Variants in CX3CR1 observed in about 807,000 individuals in gnomAD.
CX3CR1 encodes the protein CX3C chemokine receptor 1.
For synonymous variants in CX3CR1, 168 were observed against 178.5 expected, an observed-to-expected ratio of 0.94 and a Z score of 0.47; for missense variants, 363 against 432.4, an observed-to-expected ratio of 0.84 and a Z score of 1.42.
the CX3CR1 span, among the ~76,000 whole-genome samples, chr3:39,291,639 A>C: frequency 3.1e-4 from 47 of 152,338 alleles, no homozygotes; most frequent in African/African-American, 1.1e-3. Flanking sequence ...AGGAACAATG[A>C]AAAGGACAGT....
chr3:39,280,046 C>T (rs886353130), upstream of CX3CR1: 32 of 985,230 alleles, frequency 3.2e-5, no homozygotes, highest in African/African-American at 5.2e-4. Context: ...CCCTTTCCTT[C>T]CCTCTAAGAG....
chr3:39,267,923 C>T (rs774774120), intron 1 of CX3CR1, among the ~76,000 whole-genome samples: 56 of 152,264 alleles, frequency 3.7e-4, no homozygotes, highest in Non-Finnish European at 6.9e-4. Context: ...CCCTTTCACA[C>T]GGCTCCTCTG....
chr3:39,290,355 A>G, the CX3CR1 span, among the ~76,000 whole-genome samples: 1 of 152,164 alleles, frequency 6.6e-6, no homozygotes, highest in Non-Finnish European at 1.5e-5. Context: ...GGGGATGTTT[A>G]GTTTTGTGGT....
intron 1 of CX3CR1, among the ~76,000 whole-genome samples, chr3:39,267,350 G>A (rs1284640664): frequency 6.6e-6 from 1 of 152,180 alleles, no homozygotes; most frequent in African/African-American, 2.4e-5. Context: ...AGCTAGGCCT[G>A]GAGAGAGAAG....
rs374664955 is a variant in CX3CR1 at position 39,265,860 on chromosome 3, G to A, written c.650C>T (p.Thr217Met). ...MSYCYFRIIQ[T>M]LFSCKNHKKA... is the part of the protein sequence containing the mutation. ...CTTGTGGTTCTTGCAGGAAAACAGC[G>A]TCTGGATGATTCTGAAGTAGCAATA... Residue 217 changes from threonine to methionine, a missense_variant, in exon 2 of 2, where the codon ACG becomes ATG. Physicochemically the swap from Thr to Met is moderately conservative, Grantham distance 81. Transcript: ENST00000399220. 3.3e-5 allele frequency: 54 copies of A among 1,614,094 alleles called. No individual in the cohort carries two copies. The highest frequency in any genetic ancestry group is 3.3e-4 in the South Asian group (30 of 91,088).
At chr3:39,283,791 A>T (rs2040924267), upstream of CX3CR1, among the ~76,000 whole-genome samples, 1 of 83,782 alleles carries the variant, frequency 1.2e-5, no homozygotes, top group East Asian at 4.1e-4. Flanking sequence ...AAAAAAAAAA[A>T]AAATTATATA....
the CX3CR1 span, chr3:39,286,869 A>C: frequency 6.6e-6 from 1 of 152,230 alleles, no homozygotes; most frequent in African/African-American, 2.4e-5. Flanking sequence ...TCAAAAGTAC[A>C]AGATGCAAAC....
the CX3CR1 span, among the ~76,000 whole-genome samples, chr3:39,289,155 A>G: frequency 1.3e-5 from 2 of 152,144 alleles, no homozygotes; most frequent in East Asian, 3.8e-4. Flanking sequence ...TCCATCTAAA[A>G]AAAAAAAAAA....
chr3:39,281,105 C>T, upstream of CX3CR1: 1 of 994,272 alleles, frequency 1.0e-6, no homozygotes, highest in East Asian at 1.1e-4. Flanking sequence ...CTTGCCCCTC[C>T]TCACCTCCCC....
chr3:39,278,282 T>A (rs55946639), intron 1 of CX3CR1, among the ~76,000 whole-genome samples: 1 of 152,276 alleles, frequency 6.6e-6, no homozygotes, highest in Non-Finnish European at 1.5e-5. Flanking sequence ...CACACTGAAG[T>A]TGGGCTGAGA....
chr3:39,263,512 T>C lies in CX3CR1; in HGVS notation c.*1930A>G, dbSNP rs1049997730. 1 of 152,252 alleles carries C rather than the reference T, an allele frequency of 6.6e-6. No individual in the cohort carries two copies. Among genetic ancestry groups the C allele is most frequent in the Admixed American group, 6.5e-5 (1 of 15,290 alleles). 9.4% of individuals were successfully genotyped at this position (152,252 alleles called of 1,614,324 possible). ...ACACAGATGGAAGTTCTATAAAATA[T>C]GTATTTGCTAAACATTGGAAACAAG... On this transcript the variant is annotated 3_prime_UTR_variant, in exon 2 of 2. Transcript: ENST00000399220.
At position 39,266,038 on chromosome 3, in the gene CX3CR1, T is replaced by C. The variant is rs372388836; in HGVS notation, c.472A>G (p.Ile158Val). ...TISLGVWAAA[I>V]LVAAPQFMFT... is the part of the protein sequence containing the mutation. ...ATGAACTGGGGTGCTGCCACCAAAA[T>C]GGCTGCTGCCCAGACGCCTAGGCTG... Residue 158 changes from isoleucine (I) to valine (V), a missense_variant, in exon 2 of 2, where the codon ATT becomes GTT. Transcript: ENST00000399220. 2.1e-5 allele frequency: 34 copies of C among 1,614,066 alleles called. No homozygotes were observed. The highest frequency in any genetic ancestry group is 2.8e-5 in the Non-Finnish European group (33 of 1,180,036).
intron 1 of CX3CR1, among the ~76,000 whole-genome samples, chr3:39,269,040 T>G (rs1420380503): frequency 6.6e-6 from 1 of 152,226 alleles, no homozygotes; most frequent in Non-Finnish European, 1.5e-5. Flanking sequence ...TAAGACATGC[T>G]TTCTTTTCAG....
the CX3CR1 span, among the ~76,000 whole-genome samples, chr3:39,292,019 T>C: frequency 6.6e-6 from 1 of 152,216 alleles, no homozygotes; most frequent in South Asian, 2.1e-4. Flanking sequence ...AATGGAAAGC[T>C]TAGGGGCGCC....
At chr3:39,284,218 C>T (rs552770154), upstream of CX3CR1, among the ~76,000 whole-genome samples, 19 of 151,944 alleles carry the variant, frequency 1.3e-4, no homozygotes, top group African/African-American at 3.6e-4. Context: ...AGGATTTACT[C>T]CCATCACCCA....
At chr3:39,288,505 C>T in the CX3CR1 span, among the ~76,000 whole-genome samples, 1 of 152,146 alleles carries the variant, frequency 6.6e-6, no homozygotes, top group Non-Finnish European at 1.5e-5. Context: ...GCTCTGTCTC[C>T]CCCTCCTGGT....
upstream of CX3CR1, among the ~76,000 whole-genome samples, chr3:39,282,175 C>T (rs2040908618): frequency 6.6e-6 from 1 of 152,210 alleles, no homozygotes; most frequent in Admixed American, 6.5e-5. Flanking sequence ...AGCATTAGTG[C>T]TTTGCATTCT....
chr3:39,281,722 G>A, upstream of CX3CR1: 1 of 1,540,326 alleles, frequency 6.5e-7, no homozygotes, highest in South Asian at 1.1e-5. Flanking sequence ...GGCCTGGTAA[G>A]CACGGCCCGC....
chr3:39,286,514 G>C (rs1389319368), upstream of CX3CR1: 6 of 151,740 alleles, frequency 4.0e-5, no homozygotes, highest in Admixed American at 3.9e-4. Flanking sequence ...AGCCGGGCGC[G>C]GTGGCGGGCG....
Sources: gnomAD v4.1 joint callset for allele counts (sites outside exome capture counted in the v4.1 genomes callset) on GRCh38, gnomAD v4.1.1 for gene constraint, MANE v1.5 for transcripts, NCBI Gene and HGNC (gene_info 2026-07-23, HGNC 2026-07-21) for gene names.